Variants in CD2AP observed in about 807,000 individuals in gnomAD.
CD2AP encodes the protein CD2 associated protein.
A neutral mutation model predicts 85.1 loss-of-function variants in CD2AP; 46 were observed. The ratio of observed to expected loss-of-function variants is 0.54; its 90% CI spans 0.43 to 0.69. The LOEUF (loss-of-function observed/expected upper bound fraction) is 0.69. CD2AP is among the 30% of genes least tolerant of loss of function. The pLI is 0.00. For synonymous variants in CD2AP, 255 were observed against 252.9 expected (o/e 1.01, Z -0.08); for missense variants, 769 against 729.5 (o/e 1.05, Z -0.62).
chr6:47,574,182 T>G lies in CD2AP; in HGVS notation c.660T>G (p.Phe220Leu), dbSNP rs139926926. ...GAGGAATTGGATTTGGAGACATTTT[T>G]AAAGAAGGCTCTGTGAAACTTCGGA... ...KIRGIGFGDI[F>L]KEGSVKLRTR... Residue 220 changes from phenylalanine to leucine, a missense_variant, in exon 6 of 18, where the codon TTT becomes TTG. Transcript: ENST00000359314. 88 of 1,613,958 alleles carry G rather than the reference T, an allele frequency of 5.5e-5. No homozygotes were observed. Among genetic ancestry groups the G allele is most frequent in the Middle Eastern group, 4.9e-4 (3 of 6,082 alleles).
intron 4 of CD2AP, among the ~76,000 whole-genome samples, chr6:47,552,984 G>A (rs1474545585): frequency 7.0e-6 from 1 of 142,046 alleles, no homozygotes; most frequent in Non-Finnish European, 1.6e-5. Context: ...CCTTTTGGGG[G>A]GGAGCATTTT....
chr6:47,560,166 A>AT, intron 5 of CD2AP, among the ~76,000 whole-genome samples: 1 of 152,068 alleles, frequency 6.6e-6, no homozygotes, highest in Non-Finnish European at 1.5e-5. Context: ...TGATTTACGA[A>AT]TTTTTAACAT....
intron 1 of CD2AP, among the ~76,000 whole-genome samples, chr6:47,486,727 T>C (rs1236510778): frequency 6.6e-6 from 1 of 152,170 alleles, no homozygotes; most frequent in African/African-American, 2.4e-5. Context: ...GTTCCAATAA[T>C]GAAGAGTCTG....
chr6:47,535,567 G>A (rs4711882), intron 3 of CD2AP, among the ~76,000 whole-genome samples: 93,054 of 151,996 alleles, frequency 0.61, 29,220 homozygotes, highest in Middle Eastern at 0.74. Flanking sequence ...TATGACACTT[G>A]GACCAATTCT....
intron 17 of CD2AP, among the ~76,000 whole-genome samples, chr6:47,616,113 A>G (rs1373746772): frequency 4.6e-5 from 2 of 43,662 alleles, no homozygotes; most frequent in Non-Finnish European, 3.9e-5. Context: ...TTTTTTTGAG[A>G]TGAAGTCTTG....
intron 1 of CD2AP, among the ~76,000 whole-genome samples, chr6:47,490,824 A>G (rs1470546611): frequency 6.6e-6 from 1 of 152,122 alleles, no homozygotes; most frequent in African/African-American, 2.4e-5. Context: ...AAACCTTTGT[A>G]TGCTATTTGA....
Position 47,575,212 on chromosome 6 carries a change from G to C in CD2AP, c.729+961G>C, listed in dbSNP as rs186345151. Among the ~76,000 whole-genome samples, 256 of 152,264 alleles carry C rather than the reference G, an allele frequency of 1.7e-3. 1 individual carries two copies. Among genetic ancestry groups the C allele is most frequent in the Non-Finnish European group, 2.5e-3 (168 of 68,008 alleles). On this transcript the variant is annotated intron_variant, in intron 6 of 17. Transcript: ENST00000359314. ...ATTGATTCTTGGTTTTAAAGGTAAA[G>C]TTTGGAATTCTCATGGTTTTTGGGG... is the stretch of plus-strand genomic sequence containing the variant.
At chr6:47,573,443 A>G (rs1768209777) in intron 5 of CD2AP, among the ~76,000 whole-genome samples, 1 of 145,026 alleles carries the variant, frequency 6.9e-6, no homozygotes, top group Non-Finnish European at 1.5e-5. Flanking sequence ...GTCTCACATT[A>G]TATCATCTTT....
chr6:47,609,399 G>T (rs1477356038), intron 16 of CD2AP, 95 bp downstream of exon 16: 2 of 1,036,666 alleles, frequency 1.9e-6, no homozygotes, highest in Non-Finnish European at 3.0e-6. Flanking sequence ...ATCTGTGGCT[G>T]GGTGTGGTAG....
chr6:47,503,238 T>C, intron 1 of CD2AP, 42 bp from the exon 2 acceptor site: 1 of 1,558,380 alleles, frequency 6.4e-7, no homozygotes, highest in East Asian at 2.2e-5. Flanking sequence ...CAGTATTTTG[T>C]GAATTAGATT....
rs1767628017 is a variant in CD2AP at position 47,554,659 on chromosome 6, G to C, written c.434G>C (p.Trp145Ser). The change falls in exon 5 of 18, where the codon TGG becomes TCG. Residue 145 changes from tryptophan (W) to serine (S), a missense_variant. By Grantham distance (177) the Trp-to-Ser change is radical (BLOSUM62 -3). Coordinates refer to ENST00000359314, the MANE Select transcript of CD2AP (RefSeq NM_012120.3). ...GAACTTTTTCAGGTAGAAGAAGGCT[G>C]GTGGAGTGGAACCCTGAATAACAAG... ...IDINEEVEEG[W>S]WSGTLNNKLG... The C allele has an allele frequency of 1.2e-6, 2 of 1,613,638 alleles. No homozygotes were observed. The highest frequency in any genetic ancestry group is 1.7e-6 in the Non-Finnish European group (2 of 1,179,730).
intron 2 of CD2AP, among the ~76,000 whole-genome samples, chr6:47,527,692 GC>G (rs1048915552): frequency 4.6e-5 from 7 of 152,182 alleles, no homozygotes; most frequent in African/African-American, 1.7e-4. Flanking sequence ...TGTCAGCTGT[GC>G]CAGGAAGCTG....
Position 47,609,278 on chromosome 6 carries a change from T to C in CD2AP, c.1788T>C (p.Ile596=), listed in dbSNP as rs760281402. The C allele has an allele frequency of 6.2e-7, 1 of 1,613,516 alleles. No individual in the cohort carries two copies. Among genetic ancestry groups the C allele is most frequent in the Non-Finnish European group, 8.5e-7 (1 of 1,179,654 alleles). ...CCCAGATTATTGAATTGTTGTGCAT[T>C]GTAGAAGCACTGAAAAAGGATCACG... ...LRAQIIELLC[I]VEALKKDHGK... Residue 596 remains isoleucine (I), a synonymous_variant, in exon 16 of 18, where the codon ATT becomes ATC. Transcript: ENST00000359314.
chr6:47,579,348 A>AAT (rs57280259), intron 8 of CD2AP, 37 bp from the exon 9 acceptor site: 574 of 1,166,812 alleles, frequency 4.9e-4, no homozygotes, highest in Non-Finnish European at 6.8e-4. Context: ...AAAAAAAAAA[A>AAT]GGTCTATTGT....
At chr6:47,566,321 T>TACACAC (rs765350094) in intron 5 of CD2AP, among the ~76,000 whole-genome samples, 10 of 86,818 alleles carry the variant, frequency 1.2e-4, no homozygotes, top group East Asian at 7.4e-4. Flanking sequence ...TATATATATA[T>TACACAC]ATACACATAC....
At chr6:47,515,501 G>A (rs1766430630) in intron 2 of CD2AP, among the ~76,000 whole-genome samples, 2 of 152,134 alleles carry the variant, frequency 1.3e-5, no homozygotes, top group Admixed American at 6.5e-5. Context: ...TAGGCATAGG[G>A]AATGTGTCAT....
intron 1 of CD2AP, among the ~76,000 whole-genome samples, chr6:47,491,842 T>TGGCTTTTAA: frequency 6.6e-6 from 1 of 152,130 alleles, no homozygotes; most frequent in Non-Finnish European, 1.5e-5. Flanking sequence ...TATTAACAAC[T>TGGCTTTTAA]AGTAAACCCA....
intron 3 of CD2AP, among the ~76,000 whole-genome samples, chr6:47,544,213 T>C (rs1031800984): frequency 1.3e-5 from 2 of 152,378 alleles, no homozygotes; most frequent in African/African-American, 4.8e-5. Context: ...AAAGTACTAA[T>C]TTTAAGTAGT....
intron 4 of CD2AP, among the ~76,000 whole-genome samples, chr6:47,546,971 A>C (rs1386809492): frequency 6.6e-6 from 1 of 152,186 alleles, no homozygotes; most frequent in Non-Finnish European, 1.5e-5. Flanking sequence ...AGACAAACAA[A>C]TGCTGAGAGA....
Sources: gnomAD v4.1 joint callset for allele counts (sites outside exome capture counted in the v4.1 genomes callset) on GRCh38, gnomAD v4.1.1 for gene constraint, MANE v1.5 for transcripts, NCBI Gene and HGNC (gene_info 2026-07-23, HGNC 2026-07-21) for gene names.